The following PNPLA7 variants were observed in gnomAD, a reference collection of about 807,000 sequenced individuals.
PNPLA7 encodes patatin-like phospholipase domain-containing protein 7.
A neutral mutation model predicts 161.7 loss-of-function variants in PNPLA7; 153 were observed. The observed-to-expected ratio is 0.95, with a 90% CI of 0.83 to 1.08. The LOEUF (loss-of-function observed/expected upper bound fraction) is 1.08. PNPLA7 is among the 50% of genes least tolerant of loss of function. PNPLA7 has a pLI of 0.00. For missense variants in PNPLA7, 1,739 were observed against 1,856.6 expected (o/e 0.94, Z 1.16); for synonymous variants, 809 against 782.1 (o/e 1.03, Z -0.57).
intron 9 of PNPLA7, among the ~76,000 whole-genome samples, chr9:137,522,250 A>AT (rs1835045673): frequency 6.6e-6 from 1 of 151,994 alleles, no homozygotes; most frequent in Non-Finnish European, 1.5e-5. Flanking sequence ...AATTTTTTGT[A>AT]TTTTTAGCAG....
Position 137,540,717 on chromosome 9 carries a change from G to A in PNPLA7, c.672C>T (p.Gly224=), listed in dbSNP as rs1320362975. 2.5e-6 allele frequency: 4 copies of A among 1,608,724 alleles called. No individual in the cohort carries two copies. Among genetic ancestry groups the A allele is most frequent in the Non-Finnish European group, 3.4e-6 (4 of 1,177,964 alleles). ...GAACCTCTTTCACCACCACCTCGGT[G>A]CCGTCCTGCGCTTGGAGAGCAGAGT... ...RLEVCIQDTD[G]TEVVVKEVLA... Residue 224 remains glycine, a synonymous_variant, in exon 8 of 35, where the codon GGC becomes GGT. Coordinates refer to ENST00000406427, the MANE Select transcript of PNPLA7 (RefSeq NM_001098537.3). This position sits in a 1 kb window ranked among gnomAD's most constrained non-coding sequence, Gnocchi z 5.1.
At chr9:137,469,700 G>T (rs1325835979) in intron 25 of PNPLA7, among the ~76,000 whole-genome samples, 1 of 152,098 alleles carries the variant, frequency 6.6e-6, no homozygotes, top group Non-Finnish European at 1.5e-5. Flanking sequence ...AAAGATAAGA[G>T]CATAACTTAA....
chr9:137,548,159 G>A (rs1836642272), intron 1 of PNPLA7, among the ~76,000 whole-genome samples: 1 of 152,238 alleles, frequency 6.6e-6, no homozygotes, highest in Non-Finnish European at 1.5e-5. Flanking sequence ...AGAAGTCCAG[G>A]TCCGCGGGAG....
intron 33 of PNPLA7, 75 bp downstream of exon 33, chr9:137,461,461 T>TGGGGGGGGGGGCTTGGGGGGG: frequency 8.4e-7 from 1 of 1,189,086 alleles, no homozygotes; most frequent in Non-Finnish European, 1.1e-6. Context: ...GCCTCTGGGG[T>TGGGGGGGGGGGCTTGGGGGGG]GGGGGGGTTC....
rs541927821 is a variant in PNPLA7 at position 137,464,576 on chromosome 9, C to G, written c.3040-120G>C. On this transcript the variant is annotated intron_variant, in intron 26 of 34. Transcript: ENST00000406427. ...ACGGGGGTCCAGAGTGTCCTTGGGC[C>G]CCACCCACGGTCCTGAGGCTTGGCG... is the stretch of plus-strand genomic sequence containing the variant. 4 of 935,722 alleles carry G rather than the reference C, an allele frequency of 4.3e-6. No individual in the cohort carries two copies. The East Asian group carries it at 7.3e-5, about 17-fold the overall frequency. 58.0% of individuals were successfully genotyped at this position (935,722 alleles called of 1,614,324 possible).
In PNPLA7 at chr9:137,484,744, G is replaced by T; in HGVS notation, c.2198-8C>A. 2 of 1,602,760 alleles carry T rather than the reference G, an allele frequency of 1.2e-6. No homozygotes were observed. Among genetic ancestry groups the T allele is most frequent in the Non-Finnish European group, 1.7e-6 (2 of 1,173,958 alleles). The stretch of plus-strand genomic sequence containing the variant: ...GGAGCCCAAGCTGGTGGCCTGTGGA[G>T]CAAAGGACCCACGTCAGCTGGGACA... On this transcript the variant is annotated splice_polypyrimidine_tract_variant and splice_region_variant and intron_variant, in intron 20 of 34. Transcript: ENST00000406427.
Position 137,492,874 on chromosome 9 carries a change from G to A in PNPLA7, c.2197+139C>T. On this transcript the variant is annotated intron_variant, in intron 20 of 34. Coordinates refer to ENST00000406427, the MANE Select transcript of PNPLA7 (RefSeq NM_001098537.3). ...GTGGGCAGGGCTTCATGACAGGGAA[G>A]GGCCATGGACTGGGTGGGCAGGGCT... 5.7e-6 allele frequency: 4 copies of A among 706,836 alleles called. No homozygotes were observed. The East Asian group carries it at 8.3e-5, about 15-fold the overall frequency. 43.8% of individuals were successfully genotyped at this position (706,836 alleles called of 1,614,324 possible). A position where few individuals can be genotyped will look rare whatever the true frequency, so the allele number is the denominator to read the frequency against.
intron 8 of PNPLA7, among the ~76,000 whole-genome samples, chr9:137,530,586 G>A (rs977763159): frequency 3.3e-5 from 5 of 152,142 alleles, no homozygotes; most frequent in African/African-American, 4.8e-5. Flanking sequence ...CTTTATTTTC[G>A]GAGTTCTCCA....
At chr9:137,475,965 A>G (rs1251054570) in intron 25 of PNPLA7, among the ~76,000 whole-genome samples, 1 of 152,196 alleles carries the variant, frequency 6.6e-6, no homozygotes, top group African/African-American at 2.4e-5. Context: ...TAGAACATAT[A>G]TCCACCAAAA....
chr9:137,530,987 A>C (rs537775592), intron 8 of PNPLA7, among the ~76,000 whole-genome samples: 66 of 152,304 alleles, frequency 4.3e-4, no homozygotes, highest in African/African-American at 1.6e-3. Flanking sequence ...AGCACACCAG[A>C]TACTCAGCTC....
intron 21 of PNPLA7, among the ~76,000 whole-genome samples, chr9:137,483,060 C>A (rs11998929): frequency 6.6e-6 from 1 of 152,046 alleles, no homozygotes; most frequent in African/African-American, 2.4e-5. Flanking sequence ...TTTAGTGAGA[C>A]GGGGTTTCAA....
intron 18 of PNPLA7, among the ~76,000 whole-genome samples, chr9:137,495,694 C>T (rs148421379): frequency 0.011 from 1,631 of 152,308 alleles, 26 homozygotes; most frequent in African/African-American, 0.037. Flanking sequence ...TCCGCCGCCT[C>T]GGCCTCCCAA....
intron 25 of PNPLA7, among the ~76,000 whole-genome samples, chr9:137,477,797 T>C (rs941717376): frequency 2.0e-5 from 3 of 152,192 alleles, no homozygotes; most frequent in Non-Finnish European, 2.9e-5. Flanking sequence ...TCTACTAAAC[T>C]GGCCCTAATA....
At position 137,460,066 on chromosome 9, in the gene PNPLA7, C is replaced by G. The variant is rs1184353396; in HGVS notation, c.*327G>C. 1 of 297,618 alleles carries G rather than the reference C, an allele frequency of 3.4e-6. No individual in the cohort carries two copies. The highest frequency in any genetic ancestry group is 6.6e-6 in the Non-Finnish European group (1 of 151,408). The allele number at this position is 297,618 out of a possible 1,614,324, so 18.4% of individuals were successfully genotyped here. ...AGGCAGTTCACAGGGCTTTGGGGGC[C>G]TCACAGGGCAGCAGGTGGTTCACAG... On this transcript the variant is annotated 3_prime_UTR_variant, in exon 35 of 35. Coordinates refer to ENST00000406427, the MANE Select transcript of PNPLA7 (RefSeq NM_001098537.3).
chr9:137,498,058 AG>A, intron 17 of PNPLA7, 55 bp downstream of exon 17: 2 of 1,582,092 alleles, frequency 1.3e-6, no homozygotes, highest in Middle Eastern at 1.7e-4. Flanking sequence ...GCCCATCCCC[AG>A]CTCCTGCATG....
Position 137,502,737 on chromosome 9 carries a change from C to CGGGGGGGACGCGGGGGAT in PNPLA7, c.1474-1011_1474-1010insATCCCCCGCGTCCCCCCC, listed in dbSNP as rs1554767775. ...CGGGGGACGCGGGGGACGGGGGGGA[C>CGGGGGGGACGCGGGGGAT]GAGAGGGATGTGGGAGCCGGCCACG... On this transcript the variant is annotated intron_variant, in intron 14 of 34. Transcript: ENST00000406427. 1.4e-4 allele frequency among the ~76,000 whole-genome samples: 9 copies of CGGGGGGGACGCGGGGGAT among 62,944 alleles called. 1 individual carries two copies. Among genetic ancestry groups the CGGGGGGGACGCGGGGGAT allele is most frequent in the African/African-American group, 4.2e-4 (7 of 16,860 alleles). The allele number at this position is 62,944 out of a possible 152,430, so 41.3% of individuals were successfully genotyped here.
intron 29 of PNPLA7, chr9:137,463,090 T>A: frequency 1.7e-6 from 1 of 601,026 alleles, no homozygotes; most frequent in Non-Finnish European, 2.9e-6. Flanking sequence ...GCTCGACACC[T>A]GCAGGCTGTT....
chr9:137,500,590 G>A lies in PNPLA7; in HGVS notation c.1757+101C>T, dbSNP rs552404688. The A allele has an allele frequency of 6.0e-5, 66 of 1,104,410 alleles. No homozygotes were observed. The African/African-American group carries it at 9.1e-4, about 15-fold the overall frequency. The allele number at this position is 1,104,410 out of a possible 1,614,324, so 68.4% of individuals were successfully genotyped here. A position where few individuals can be genotyped will look rare whatever the true frequency, so the allele number is the denominator to read the frequency against. Reference sequence around the variant, plus strand: ...CAAAGAGGGGAGCCCGAGAAGCAGGGAAGAGGGTGAGAGCACCAGGAAGAG... The same window carrying A: ...CAAAGAGGGGAGCCCGAGAAGCAGGAAAGAGGGTGAGAGCACCAGGAAGAG... On this transcript the variant is annotated intron_variant, in intron 16 of 34. Coordinates refer to ENST00000406427, the MANE Select transcript of PNPLA7 (RefSeq NM_001098537.3). The surrounding 1 kb of genome is among the most constrained non-coding windows in gnomAD (Gnocchi z 5.5).
chr9:137,467,264 C>T lies in PNPLA7; in HGVS notation c.3039+53G>A, dbSNP rs1394790435. The T allele has an allele frequency of 6.4e-7, 1 of 1,554,336 alleles. No homozygotes were observed. Among genetic ancestry groups the T allele is most frequent in the African/African-American group, 1.4e-5 (1 of 73,630 alleles). On this transcript the variant is annotated intron_variant, in intron 26 of 34. Coordinates refer to ENST00000406427, the MANE Select transcript of PNPLA7 (RefSeq NM_001098537.3). This position sits in a 1 kb window ranked among gnomAD's most constrained non-coding sequence, Gnocchi z 5.1. Reference sequence around the variant, plus strand: ...CCAACGGCCCCAGCGTCCCCCAGCACCAGCAAGGACCTGGGGGCTGTGCTC... The same window carrying T: ...CCAACGGCCCCAGCGTCCCCCAGCATCAGCAAGGACCTGGGGGCTGTGCTC...
Sources: gnomAD v4.1 joint callset for allele counts (sites outside exome capture counted in the v4.1 genomes callset) on GRCh38, gnomAD v4.1.1 for gene constraint, Gnocchi (gnomAD v3.1) non-coding constraint, MANE v1.5 for transcripts, NCBI Gene and HGNC (gene_info 2026-07-23, HGNC 2026-07-21) for gene names.